Variants in ZNF177 observed in about 807,000 individuals in gnomAD.
ZNF177 encodes zinc finger protein 177.
Under a neutral mutation model 19.4 loss-of-function variants are expected in ZNF177, and 17 were observed. The ratio of observed to expected loss-of-function variants is 0.87; its 90% CI spans 0.60 to 1.31. The LOEUF (loss-of-function observed/expected upper bound fraction) is 1.31, where lower values mean the gene tolerates loss of function less well. Ranked by LOEUF, ZNF177 falls within the 40% of genes most tolerant of loss-of-function variation. ZNF177 has a pLI of 0.00. For missense variants in ZNF177, 633 were observed against 561.8 expected, an observed-to-expected ratio of 1.13 and a Z score of -1.28; for synonymous variants, 220 against 188.7, an observed-to-expected ratio of 1.17 and a Z score of -1.36.
exon 6 of ZNF177, chr19:9,381,540 G>A: frequency 6.2e-7 from 1 of 1,613,934 alleles, no homozygotes; most frequent in Middle Eastern, 1.6e-4. Context: ...AGTGTGGAAA[G>A]TCCTTCAGCA....
intron 2 of ZNF177, 45 bp downstream of exon 4, chr19:9,378,389 T>C (rs1430738257): frequency 6.2e-7 from 1 of 1,612,136 alleles, no homozygotes. Flanking sequence ...CTGCCATTCC[T>C]GAAAAGAACA....
At chr19:9,371,321 C>G (rs1294629727) in intron 2 of ZNF177, among the ~76,000 whole-genome samples, 1 of 151,908 alleles carries the variant, frequency 6.6e-6, no homozygotes, top group Non-Finnish European at 1.5e-5. Flanking sequence ...TGTGTCTGTT[C>G]TCTTCCTCCT....
chr19:9,379,768 G>A, intron 4 of ZNF177, 149 bp downstream of exon 6: 2 of 988,756 alleles, frequency 2.0e-6, no homozygotes, highest in South Asian at 3.7e-5. Context: ...ACGTTCATTT[G>A]GTCTCCGAGA....
At chr19:9,381,998 T>G in exon 6 of ZNF177, 1 of 634,560 alleles carries the variant, frequency 1.6e-6, no homozygotes. Flanking sequence ...CTATGAATAT[T>G]TTAGTTATCT....
chr19:9,378,225 C>G (rs1405843036), intron 1 of ZNF177, 34 bp from the exon 4 acceptor site: 4 of 1,578,644 alleles, frequency 2.5e-6, no homozygotes, highest in Non-Finnish European at 3.4e-6. Flanking sequence ...ATCTAGCAGG[C>G]CTAGACTCTA....
intron 1 of ZNF177, among the ~76,000 whole-genome samples, chr19:9,363,908 CAGAA>C (rs918786830): frequency 5.9e-5 from 9 of 152,164 alleles, no homozygotes; most frequent in Admixed American, 3.3e-4. Flanking sequence ...TTCCAGGTCT[CAGAA>C]AGAAAGCTTT....
At chr19:9,380,924 C>A in exon 6 of ZNF177, 1 of 1,536,342 alleles carries the variant, frequency 6.5e-7, no homozygotes, top group Non-Finnish European at 8.7e-7. Flanking sequence ...TTAAGAACTC[C>A]CACAGGACAG....
intron 2 of ZNF177, 36 bp from the exon 5 acceptor site, chr19:9,378,926 C>A: frequency 6.4e-7 from 1 of 1,562,228 alleles, no homozygotes; most frequent in South Asian, 1.2e-5. Flanking sequence ...CAAAAATGGT[C>A]ATTGGCTGAG....
chr19:9,363,868 G>A (rs546741860), intron 1 of ZNF177, among the ~76,000 whole-genome samples: 7 of 152,184 alleles, frequency 4.6e-5, no homozygotes, highest in Non-Finnish European at 7.4e-5. Context: ...TACGACCTCC[G>A]AAACATTAGA....
intron 1 of ZNF177, among the ~76,000 whole-genome samples, chr19:9,364,522 A>G (rs1189100165): frequency 1.3e-5 from 2 of 152,146 alleles, no homozygotes; most frequent in East Asian, 3.9e-4. Flanking sequence ...CATGAGGGGA[A>G]CAGGGAGCTC....
At chr19:9,366,388 GTA>G (rs1323614374) in intron 2 of ZNF177, among the ~76,000 whole-genome samples, 2 of 152,032 alleles carry the variant, frequency 1.3e-5, no homozygotes, top group East Asian at 3.9e-4. Context: ...TCCCGAGTAG[GTA>G]GGACCACAGG....
chr19:9,377,520 G>GT (rs1309434135), intron 1 of ZNF177, among the ~76,000 whole-genome samples: 1 of 152,140 alleles, frequency 6.6e-6, no homozygotes, highest in Admixed American at 6.5e-5. Context: ...GTGTCAGACA[G>GT]TGATACTCAA....
At chr19:9,365,411 C>T (rs2067964103) in intron 2 of ZNF177, among the ~76,000 whole-genome samples, 1 of 151,184 alleles carries the variant, frequency 6.6e-6, no homozygotes, top group Non-Finnish European at 1.5e-5. Context: ...AGAGAAGGGA[C>T]CGGGGGGTTC....
chr19:9,370,832 G>A (rs746569888), intron 2 of ZNF177, among the ~76,000 whole-genome samples: 22 of 152,118 alleles, frequency 1.4e-4, no homozygotes, highest in Non-Finnish European at 2.8e-4. Flanking sequence ...ATCTGTGGTC[G>A]AGTAGCCAAC....
chr19:9,381,864 T>G lies in ZNF177; in HGVS notation c.*87T>G. On this transcript the variant is annotated 3_prime_UTR_variant, in exon 6 of 6. Transcript: ENST00000589262. ...GGAGAGAAGCCCTGTTATGGTCACC[T>G]GGAAACAGCCTTCTGGCCCAACTCT... 4 of 1,505,880 alleles carry G rather than the reference T, an allele frequency of 2.7e-6. No individual in the cohort carries two copies. The African/African-American group carries it at 5.6e-5, about 21-fold the overall frequency. 93.3% of individuals were successfully genotyped at this position (1,505,880 alleles called of 1,614,324 possible). A position where few individuals can be genotyped will look rare whatever the true frequency, so the allele number is the denominator to read the frequency against.
exon 3 of ZNF177, chr19:9,379,056 T>C: frequency 1.2e-6 from 2 of 1,609,756 alleles, no homozygotes; most frequent in Non-Finnish European, 1.7e-6. Context: ...AAAGATGTGA[T>C]GCTGGAGAAC....
Position 9,380,915 on chromosome 19 carries a change from T to A in ZNF177, c.584T>A (p.Leu195Ter). 6.5e-7 allele frequency: 1 copy of A among 1,536,242 alleles called. No homozygotes were observed. Among genetic ancestry groups the A allele is most frequent in the Non-Finnish European group, 8.7e-7 (1 of 1,146,930 alleles). The change falls in exon 6 of 6, where the codon TTA (leucine) becomes TAA (stop). Residue 195 changes from leucine to a stop codon, truncating the protein, a stop_gained. Transcript: ENST00000589262. LOFTEE classifies it low-confidence loss of function (END_TRUNC). ...CAAGAGTCATCCCTCAGGAAACACT[T>A]AAGAACTCCCACAGGACAGAAGTTT...
chr19:9,375,133 G>A (rs965177187), upstream of ZNF177, among the ~76,000 whole-genome samples: 1 of 152,126 alleles, frequency 6.6e-6, no homozygotes, highest in African/African-American at 2.4e-5. Flanking sequence ...TTGATGTGAT[G>A]TATCACATTG....
At chr19:9,379,782 A>G (rs1043517558) in intron 4 of ZNF177, 163 bp downstream of exon 6, 38 of 912,628 alleles carry the variant, frequency 4.2e-5, no homozygotes, top group Non-Finnish European at 5.3e-5. Flanking sequence ...TCCGAGAAAG[A>G]AGTTTTAATT....
Sources: gnomAD v4.1 joint callset for allele counts (sites outside exome capture counted in the v4.1 genomes callset) on GRCh38, gnomAD v4.1.1 for gene constraint, MANE v1.5 for transcripts, NCBI Gene and HGNC (gene_info 2026-07-23, HGNC 2026-07-21) for gene names.